PIP5K1B: variants seen among roughly 807,000 people sequenced by gnomAD.
The protein encoded by PIP5K1B is phosphatidylinositol-4-phosphate 5-kinase type 1 beta.
A neutral mutation model predicts 67.0 loss-of-function variants in PIP5K1B; 42 were observed. That is an observed-to-expected ratio of 0.63 (90% CI 0.49 to 0.81). PIP5K1B has a LOEUF of 0.81. PIP5K1B is among the 30% of genes least tolerant of loss of function. PIP5K1B has a pLI of 0.00. For synonymous variants in PIP5K1B, 214 were observed against 231.4 expected (o/e 0.92, Z 0.68); for missense variants, 459 against 646.3 (o/e 0.71, Z 3.14).
chr9:68,974,014 A>G (rs191516637), intron 14 of PIP5K1B, among the ~76,000 whole-genome samples: 161 of 152,322 alleles, frequency 1.1e-3, no homozygotes, highest in African/African-American at 3.8e-3. Flanking sequence ...AGTAGCTGGA[A>G]CTACAGGCGT....
At chr9:68,998,314 CA>C (rs1250804510) in intron 15 of PIP5K1B, among the ~76,000 whole-genome samples, 2 of 152,166 alleles carry the variant, frequency 1.3e-5, no homozygotes, top group African/African-American at 4.8e-5. Context: ...CTCGGCCTCC[CA>C]AATTGGGATT....
intron 4 of PIP5K1B, among the ~76,000 whole-genome samples, chr9:68,835,545 A>G (rs1034923764): frequency 6.6e-6 from 1 of 152,220 alleles, no homozygotes; most frequent in Non-Finnish European, 1.5e-5. Flanking sequence ...TTTAAGCCCT[A>G]TGAGAATGGG....
Position 68,909,406 on chromosome 9 carries a change from T to TA in PIP5K1B, c.772-8128dup, listed in dbSNP as rs552812093. On this transcript the variant is annotated intron_variant, in intron 8 of 15. Coordinates refer to ENST00000265382, the MANE Select transcript of PIP5K1B (RefSeq NM_003558.4). ...GAATCCCTAAAAGCTAAGGACTCTT[T>TA]AAAAAAAAAAAAAACTACAATACCA... 5.2e-3 allele frequency among the ~76,000 whole-genome samples: 721 copies of TA among 139,910 alleles called. 1 individual carries two copies. Among genetic ancestry groups the TA allele is most frequent in the East Asian group, 0.011 (51 of 4,844 alleles). The allele number at this position is 139,910 out of a possible 152,430, so 91.8% of individuals were successfully genotyped here. A position where few individuals can be genotyped will look rare whatever the true frequency, so the allele number is the denominator to read the frequency against.
chr9:68,925,401 T>A (rs1826638539), intron 12 of PIP5K1B, among the ~76,000 whole-genome samples: 1 of 152,194 alleles, frequency 6.6e-6, no homozygotes, highest in South Asian at 2.1e-4. Flanking sequence ...GGTTTTTAAA[T>A]TATGCCACTC....
At chr9:68,738,972 C>T (rs1302809187) in intron 1 of PIP5K1B, among the ~76,000 whole-genome samples, 1 of 152,060 alleles carries the variant, frequency 6.6e-6, no homozygotes, top group Non-Finnish European at 1.5e-5. Context: ...CTTCACCGGC[C>T]AAAAAAGTTC....
intron 14 of PIP5K1B, among the ~76,000 whole-genome samples, chr9:68,956,881 C>T (rs557984579): frequency 6.6e-6 from 1 of 152,296 alleles, no homozygotes; most frequent in South Asian, 2.1e-4. Context: ...CTGAAGCCCC[C>T]AGCATAGTTC....
At chr9:68,766,711 G>A (rs1830444534) in intron 2 of PIP5K1B, among the ~76,000 whole-genome samples, 1 of 152,042 alleles carries the variant, frequency 6.6e-6, no homozygotes, top group Non-Finnish European at 1.5e-5. Context: ...TTTTCTATGT[G>A]TCTGTATTTT....
intron 6 of PIP5K1B, among the ~76,000 whole-genome samples, chr9:68,881,425 G>A (rs1357906333): frequency 3.3e-5 from 5 of 152,190 alleles, no homozygotes; most frequent in Non-Finnish European, 7.4e-5. Flanking sequence ...AAAGTGCATC[G>A]TGGTGGCTGT....
chr9:69,001,602 C>A (rs1830827648), intron 15 of PIP5K1B, among the ~76,000 whole-genome samples: 1 of 152,058 alleles, frequency 6.6e-6, no homozygotes, highest in South Asian at 2.1e-4. Flanking sequence ...TACTTAGTGG[C>A]AGGAGAGAGA....
At chr9:68,787,735 T>C (rs1587450078) in intron 2 of PIP5K1B, among the ~76,000 whole-genome samples, 1 of 152,072 alleles carries the variant, frequency 6.6e-6, no homozygotes. Flanking sequence ...CGGGTTCAAG[T>C]GATACTCCTG....
At chr9:68,784,062 G>T (rs1412440883) in intron 2 of PIP5K1B, 2 of 166,848 alleles carry the variant, frequency 1.2e-5, no homozygotes, top group Non-Finnish European at 2.9e-5. Context: ...CCTTTTCCCC[G>T]AAGGTATGGA....
At chr9:68,755,315 C>A (rs1252960407) in intron 2 of PIP5K1B, among the ~76,000 whole-genome samples, 1 of 152,188 alleles carries the variant, frequency 6.6e-6, no homozygotes, top group Non-Finnish European at 1.5e-5. Context: ...CACCATGGCA[C>A]CTTGAAAGCA....
chr9:68,898,646 A>G (rs970870627), intron 8 of PIP5K1B, among the ~76,000 whole-genome samples: 4 of 152,090 alleles, frequency 2.6e-5, no homozygotes, highest in African/African-American at 9.7e-5. Context: ...TCTGTGACCC[A>G]GGGAACATGA....
At chr9:68,924,980 C>T (rs1460745661) in intron 12 of PIP5K1B, among the ~76,000 whole-genome samples, 1 of 152,110 alleles carries the variant, frequency 6.6e-6, no homozygotes, top group African/African-American at 2.4e-5. Flanking sequence ...CATAATGGTA[C>T]ACAATTTTAG....
chr9:68,992,301 T>C (rs1186582704), intron 15 of PIP5K1B, among the ~76,000 whole-genome samples: 1 of 152,108 alleles, frequency 6.6e-6, no homozygotes, highest in African/African-American at 2.4e-5. Context: ...AAGTGTTCTT[T>C]TGGAATTTTC....
intron 14 of PIP5K1B, among the ~76,000 whole-genome samples, chr9:68,944,975 T>G (rs547100007): frequency 6.6e-6 from 1 of 152,300 alleles, no homozygotes; most frequent in East Asian, 1.9e-4. Context: ...TCTTTTCCAC[T>G]GTACCACTCC....
chr9:68,720,814 C>G (rs778024393), intron 1 of PIP5K1B, among the ~76,000 whole-genome samples: 19 of 152,238 alleles, frequency 1.2e-4, no homozygotes, highest in Admixed American at 5.9e-4. Context: ...GATTTTGTCA[C>G]TGCCGTGGCA....
At chr9:68,818,731 A>G (rs1178455258) in intron 3 of PIP5K1B, among the ~76,000 whole-genome samples, 186 bp downstream of exon 3, 1 of 152,156 alleles carries the variant, frequency 6.6e-6, no homozygotes, top group Admixed American at 6.5e-5. Context: ...GAATTTTGGC[A>G]TGCCAGAAGG....
At chr9:68,967,357 G>A (rs576824922) in intron 14 of PIP5K1B, among the ~76,000 whole-genome samples, 44 of 152,254 alleles carry the variant, frequency 2.9e-4, no homozygotes, top group African/African-American at 1.0e-3. Context: ...CATTGCTATA[G>A]ACAAACAGAA....
Sources: gnomAD v4.1 joint callset for allele counts (sites outside exome capture counted in the v4.1 genomes callset) on GRCh38, gnomAD v4.1.1 for gene constraint, MANE v1.5 for transcripts, NCBI Gene and HGNC (gene_info 2026-07-23, HGNC 2026-07-21) for gene names.